The following ETS1 variants were observed in gnomAD, a reference collection of about 807,000 sequenced individuals.
ETS1 encodes ETS proto-oncogene 1, transcription factor.
A neutral mutation model predicts 58.6 loss-of-function variants in ETS1; 15 were observed. The ratio of observed to expected loss-of-function variants is 0.26; its 90% CI spans 0.17 to 0.39. The LOEUF (loss-of-function observed/expected upper bound fraction) is 0.39. ETS1 is among the 10% of genes least tolerant of loss of function. ETS1 has a pLI of 1.00. For missense variants in ETS1, 417 were observed against 610.5 expected (o/e 0.68, Z 3.34); for synonymous variants, 214 against 218.2 (o/e 0.98, Z 0.17).
At chr11:128,504,845 G>A (rs919151795) in intron 3 of ETS1, 5 of 152,202 alleles carry the variant, frequency 3.3e-5, no homozygotes, top group African/African-American at 4.8e-5. Context: ...ACAGAGGAAT[G>A]AGCCATCCAA....
intron 3 of ETS1, among the ~76,000 whole-genome samples, chr11:128,546,331 A>C (rs1808415005): frequency 6.6e-6 from 1 of 152,232 alleles, no homozygotes. Context: ...GAGGCAGTGC[A>C]CTGAAAGAGT....
At chr11:128,522,387 G>A (rs984749988) in intron 3 of ETS1, 3 of 980,800 alleles carry the variant, frequency 3.1e-6, no homozygotes, top group Non-Finnish European at 3.6e-6. Flanking sequence ...GCCGCGTCTC[G>A]GCCGCTGGGT....
At chr11:128,501,184 C>A (rs971493599) in intron 3 of ETS1, among the ~76,000 whole-genome samples, 3 of 152,158 alleles carry the variant, frequency 2.0e-5, no homozygotes, top group African/African-American at 4.8e-5. Flanking sequence ...CCACTCCCCT[C>A]GCTCCACCTA....
At chr11:128,541,805 G>A (rs576695320) in intron 3 of ETS1, among the ~76,000 whole-genome samples, 12 of 152,248 alleles carry the variant, frequency 7.9e-5, no homozygotes, top group South Asian at 6.2e-4. Context: ...GCTGTATATA[G>A]TCTCAGAGGA....
At position 128,463,634 on chromosome 11, in the gene ETS1, A is replaced by T; in HGVS notation, c.1124-7T>A. The T allele has an allele frequency of 6.8e-7, 1 of 1,474,372 alleles. No homozygotes were observed. Among genetic ancestry groups the T allele is most frequent in the Non-Finnish European group, 9.5e-7 (1 of 1,052,504 alleles). 91.3% of individuals were successfully genotyped at this position (1,474,372 alleles called of 1,614,324 possible). On this transcript the variant is annotated splice_region_variant and splice_polypyrimidine_tract_variant and intron_variant, in intron 8 of 9. Coordinates refer to ENST00000392668, the MANE Select transcript of ETS1 (RefSeq NM_001143820.2). The surrounding 1 kb of genome is among the most constrained non-coding windows in gnomAD (Gnocchi z 4.1). ...AGCTGGATTGGTCCACTGCCTAGAA[A>T]CACAAGCCATTGTGAATCATTACAC...
At chr11:128,503,058 C>T (rs1863132417) in intron 3 of ETS1, among the ~76,000 whole-genome samples, 1 of 152,226 alleles carries the variant, frequency 6.6e-6, no homozygotes, top group Non-Finnish European at 1.5e-5. Flanking sequence ...AAAGAGATCC[C>T]CTGAGCAGTA....
chr11:128,533,174 G>T (rs536684487), intron 3 of ETS1, among the ~76,000 whole-genome samples: 1 of 152,296 alleles, frequency 6.6e-6, no homozygotes, highest in South Asian at 2.1e-4. Flanking sequence ...AATGGATAAG[G>T]TTCATACTGC....
chr11:128,491,100 T>A (rs1862786653), intron 3 of ETS1, among the ~76,000 whole-genome samples: 1 of 152,206 alleles, frequency 6.6e-6, no homozygotes. Flanking sequence ...ATATGTTTAC[T>A]CTTCCTGAAC....
intron 3 of ETS1, among the ~76,000 whole-genome samples, chr11:128,516,874 T>C (rs777195158): frequency 6.6e-5 from 10 of 152,188 alleles, no homozygotes; most frequent in Non-Finnish European, 1.5e-4. Context: ...CTCATCATCC[T>C]GATTATGAGA....
intron 3 of ETS1, among the ~76,000 whole-genome samples, chr11:128,544,068 G>T (rs1305931348): frequency 6.6e-6 from 1 of 152,048 alleles, no homozygotes; most frequent in East Asian, 1.9e-4. Flanking sequence ...TGAAAACTCT[G>T]AAGAGGAAAA....
At chr11:128,581,009 A>C (rs1864860040) in intron 1 of ETS1, among the ~76,000 whole-genome samples, 1 of 152,224 alleles carries the variant, frequency 6.6e-6, no homozygotes, top group Non-Finnish European at 1.5e-5. Context: ...CCCTTCCTTG[A>C]GGAGTAACTC....
At chr11:128,575,110 G>A (rs1406533183) in intron 1 of ETS1, among the ~76,000 whole-genome samples, 2 of 152,142 alleles carry the variant, frequency 1.3e-5, no homozygotes, top group Non-Finnish European at 2.9e-5. Flanking sequence ...AATAGGATTT[G>A]TTCCAAAACC....
At chr11:128,525,850 A>G (rs1237571735) in intron 3 of ETS1, among the ~76,000 whole-genome samples, 1 of 152,192 alleles carries the variant, frequency 6.6e-6, no homozygotes, top group African/African-American at 2.4e-5. Context: ...AAGCAGCAAT[A>G]AAATGGAAAA....
chr11:128,561,707 T>C (rs528615086), intron 2 of ETS1, among the ~76,000 whole-genome samples: 48 of 152,338 alleles, frequency 3.2e-4, no homozygotes, highest in Middle Eastern at 3.4e-3. Context: ...ATTGCTTATG[T>C]TTATGCAGTG....
chr11:128,510,823 A>G (rs1216927193), intron 3 of ETS1, among the ~76,000 whole-genome samples: 2 of 152,204 alleles, frequency 1.3e-5, no homozygotes, highest in African/African-American at 4.8e-5. Context: ...AGCAACCAAA[A>G]GAATACTTCC....
At position 128,548,688 on chromosome 11, in the gene ETS1, C is replaced by G. The variant is rs994226859; in HGVS notation, c.214+7603G>C. ...ACAGGCCGAAGGGCGAGGTTCGGGC[C>G]GAGGCAGCCCACGCCCGTCCTCTCC... On this transcript the variant is annotated intron_variant, in intron 3 of 9. Coordinates refer to ENST00000392668, the MANE Select transcript of ETS1 (RefSeq NM_001143820.2). Among the ~76,000 whole-genome samples, 6 of 152,382 alleles carry G rather than the reference C, an allele frequency of 3.9e-5. 1 individual carries two copies. Among genetic ancestry groups the G allele is most frequent in the African/African-American group, 1.4e-4 (6 of 41,596 alleles).
intron 5 of ETS1, among the ~76,000 whole-genome samples, chr11:128,487,655 C>T (rs553005096): frequency 6.6e-6 from 1 of 152,216 alleles, no homozygotes; most frequent in African/African-American, 2.4e-5. Context: ...AGGAGAATCG[C>T]TTGAACCTAG....
chr11:128,487,817 G>A (rs1862678013), intron 5 of ETS1, among the ~76,000 whole-genome samples: 1 of 152,124 alleles, frequency 6.6e-6, no homozygotes, highest in African/African-American at 2.4e-5. Flanking sequence ...GAGTGATACT[G>A]AAGAAATCGC....
intron 3 of ETS1, among the ~76,000 whole-genome samples, chr11:128,543,134 A>G (rs539485874): frequency 1.3e-5 from 2 of 151,936 alleles, no homozygotes; most frequent in East Asian, 3.9e-4. Context: ...CGGAAGTTGC[A>G]GTGAGCCCAG....
Sources: allele counts gnomAD v4.1 joint callset (sites outside exome capture counted in the v4.1 genomes callset), GRCh38; gene constraint gnomAD v4.1.1; non-coding constraint Gnocchi (gnomAD v3.1); transcripts MANE v1.5; gene names NCBI Gene and HGNC (gene_info 2026-07-23, HGNC 2026-07-21).